The following AP4B1 variants were observed in gnomAD, a reference collection of about 807,000 sequenced individuals.
The protein encoded by AP4B1 is AP-4 complex subunit beta-1.
Under a neutral mutation model 76.5 loss-of-function variants are expected in AP4B1, and 49 were observed. That is an observed-to-expected ratio of 0.64 (90% confidence interval 0.51 to 0.81). The LOEUF (loss-of-function observed/expected upper bound fraction) is 0.81, where lower values mean the gene tolerates loss of function less well. Ranked by LOEUF, AP4B1 falls within the 40% of genes least tolerant of loss-of-function variation. AP4B1 has a pLI of 0.00. For synonymous variants in AP4B1, 330 were observed against 333.3 expected, an observed-to-expected ratio of 0.99 and a Z score of 0.11; for missense variants, 911 against 904.9, an observed-to-expected ratio of 1.01 and a Z score of -0.09.
At position 113,904,747 on chromosome 1, in the gene AP4B1, A is replaced by G. The variant is rs765183919; in HGVS notation, c.-30T>C. On this transcript the variant is annotated 5_prime_UTR_variant, in exon 1 of 10. Transcript: ENST00000369569. ...CTAAGAGTCACAGGGCAGCTCCCACAGCTCCCACGGTAACTCGAGGGCTCC... is the reference window on the plus strand; with the variant it reads ...CTAAGAGTCACAGGGCAGCTCCCACGGCTCCCACGGTAACTCGAGGGCTCC... 27 of 1,588,402 alleles carry G rather than the reference A, an allele frequency of 1.7e-5. No homozygotes were observed. Among genetic ancestry groups the G allele is most frequent in the Non-Finnish European group, 2.2e-5 (26 of 1,158,504 alleles).
At chr1:113,898,213 G>A (rs1368387079) in intron 6 of AP4B1, among the ~76,000 whole-genome samples, 1 of 152,232 alleles carries the variant, frequency 6.6e-6, no homozygotes, top group East Asian at 1.9e-4. Context: ...CAAATGTGGG[G>A]TAGTATTGCT....
intron 7 of AP4B1, chr1:113,896,871 C>T (rs1479843239): frequency 3.9e-5 from 9 of 233,540 alleles, no homozygotes; most frequent in South Asian, 2.2e-4. Context: ...CAGCCGGGCA[C>T]GGTGGCTTAC....
chr1:113,898,253 T>C (rs1372061512), intron 6 of AP4B1, among the ~76,000 whole-genome samples: 1 of 152,144 alleles, frequency 6.6e-6, no homozygotes, highest in Non-Finnish European at 1.5e-5. Context: ...ACAGTATAAA[T>C]AGAACCACCA....
chr1:113,896,124 G>C, intron 8 of AP4B1, 86 bp from the exon 9 acceptor site: 1 of 1,601,852 alleles, frequency 6.2e-7, no homozygotes, highest in Non-Finnish European at 8.5e-7. Flanking sequence ...AGAAAAAAAT[G>C]AAGGAGAGAG....
At position 113,896,379 on chromosome 1, in the gene AP4B1, A is replaced by C. The variant is rs1490511428; in HGVS notation, c.1389T>G (p.Asn463Lys). Residue 463 changes from asparagine (N) to lysine (K), a missense_variant, in exon 8 of 10, where the codon AAT becomes AAG. Physicochemically the swap from Asn to Lys is moderately conservative, Grantham distance 94. Coordinates refer to ENST00000369569, the MANE Select transcript of AP4B1 (RefSeq NM_001253852.3). ...APYVLEDFVE[N>K]VKSETFPAVK... ...CAGCTGGAAATGTTTCCGACTTCACATTCTCAACAAAGTCCTCTAACACAT... is the reference window on the plus strand; with the variant it reads ...CAGCTGGAAATGTTTCCGACTTCACCTTCTCAACAAAGTCCTCTAACACAT... 6.2e-7 allele frequency: 1 copy of C among 1,614,252 alleles called. No homozygotes were observed. Among genetic ancestry groups the C allele is most frequent in the African/African-American group, 1.3e-5 (1 of 75,070 alleles).
chr1:113,902,932 T>C (rs1278161279), intron 1 of AP4B1, 70 bp from the exon 2 acceptor site: 165 of 1,396,940 alleles, frequency 1.2e-4, no homozygotes, highest in Non-Finnish European at 1.5e-4. Context: ...GAGTTTTACT[T>C]ACATATCTCC....
intron 7 of AP4B1, chr1:113,897,552 C>T: frequency 4.7e-6 from 2 of 427,690 alleles, no homozygotes; most frequent in South Asian, 4.3e-5. Context: ...CGAGATCACG[C>T]CACTGCACTC....
intron 2 of AP4B1, 62 bp downstream of exon 2, chr1:113,902,576 C>T: frequency 1.3e-6 from 2 of 1,527,334 alleles, no homozygotes; most frequent in Non-Finnish European, 9.1e-7. Context: ...CTTTAAAAAC[C>T]TACCCTGTGA....
rs775805303 is a variant in AP4B1, at chr1:113,897,936, C to T, written c.1206G>A (p.Val402=). The T allele has an allele frequency of 6.2e-7, 1 of 1,614,140 alleles. No homozygotes were observed. Among genetic ancestry groups the T allele is most frequent in the Admixed American group, 1.7e-5 (1 of 60,014 alleles). Residue 402 remains valine, a synonymous_variant, in exon 7 of 10, where the codon GTG becomes GTA. Coordinates refer to ENST00000369569, the MANE Select transcript of AP4B1 (RefSeq NM_001253852.3). ...LRQEHITTVV[V]QTFRDLVWLC... ...ACCAAACCAGGTCTCGGAAAGTCTG[C>T]ACCACCACTACAATACAGGCCAGGG... is the stretch of plus-strand genomic sequence containing the variant.
At chr1:113,902,525 A>G (rs1377939018) in intron 2 of AP4B1, 113 bp downstream of exon 2, 13 of 1,075,648 alleles carry the variant, frequency 1.2e-5, no homozygotes, top group Non-Finnish European at 1.8e-5. Context: ...AGGGTACAAT[A>G]ATGTTTTCCC....
rs373681764 is a variant in AP4B1 at position 113,900,180 on chromosome 1, G to T, written c.838C>A (p.Pro280Thr). ...TCTGAAGAACAGGCAGCTAGCAAAG[G>T]TCCCTTGACCCGCACAAGGACATCA... ...QTDVLVRVKG[P>T]LLAACSSESR... Residue 280 changes from proline (P) to threonine (T), a missense_variant, in exon 5 of 10, where the codon CCT becomes ACT. Coordinates refer to ENST00000369569, the MANE Select transcript of AP4B1 (RefSeq NM_001253852.3). 2 of 1,614,168 alleles carry T rather than the reference G, an allele frequency of 1.2e-6. No individual in the cohort carries two copies. The highest frequency in any genetic ancestry group is 1.1e-5 in the South Asian group (1 of 91,086).
At position 113,895,957 on chromosome 1, in the gene AP4B1, C is replaced by T. The variant is rs776838159; in HGVS notation, c.1592G>A (p.Arg531Gln). 5.0e-6 allele frequency: 8 copies of T among 1,614,152 alleles called. No individual in the cohort carries two copies. The highest frequency in any genetic ancestry group is 5.9e-6 in the Non-Finnish European group (7 of 1,180,042). Residue 531 changes from arginine (R) to glutamine (Q), a missense_variant, in exon 9 of 10, where the codon CGG becomes CAG. Arg to Gln is a conservative substitution (Grantham distance 43). Coordinates refer to ENST00000369569, the MANE Select transcript of AP4B1 (RefSeq NM_001253852.3). ...GTCAGATTTAGGGCTACACAGAATCCGCTTAACTTCATCAATGCCAACTAA... is the reference window on the plus strand; with the variant it reads ...GTCAGATTTAGGGCTACACAGAATCTGCTTAACTTCATCAATGCCAACTAA... ...LLLVGIDEVK[R>Q]ILCSPKSDPT...
In AP4B1 at chr1:113,901,358, G is replaced by C. The variant is rs888993780; in HGVS notation, c.495C>G (p.Tyr165Ter). The C allele has an allele frequency of 6.2e-7, 1 of 1,614,038 alleles. No homozygotes were observed. Among genetic ancestry groups the C allele is most frequent in the East Asian group, 2.2e-5 (1 of 44,866 alleles). The change falls in exon 4 of 10, where the codon TAC becomes TAG. Residue 165 changes from tyrosine to a stop codon, truncating the protein, a stop_gained. Coordinates refer to ENST00000369569, the MANE Select transcript of AP4B1 (RefSeq NM_001253852.3). LOFTEE classifies it high-confidence loss of function. Reference sequence around the variant, plus strand: ...TTGGATCCTGGTCACGCAGCAAACTGTATAATTCATTTACCAGGGCACCAT... The same window carrying C: ...TTGGATCCTGGTCACGCAGCAAACTCTATAATTCATTTACCAGGGCACCAT... ...EVDGALVNEL[Y>*]SLLRDQDPIV...
chr1:113,901,644 A>G (rs1668279642), intron 3 of AP4B1, 111 bp downstream of exon 3: 2 of 1,471,126 alleles, frequency 1.4e-6, no homozygotes, highest in Admixed American at 1.7e-5. Flanking sequence ...ACTTAAAGAG[A>G]TATGTACAGA....
chr1:113,901,036 G>A lies in AP4B1; in HGVS notation c.617+200C>T, dbSNP rs1396143751. 3 of 660,278 alleles carry A rather than the reference G, an allele frequency of 4.5e-6. No homozygotes were observed. In the African/African-American group the frequency reaches 5.5e-5, roughly 12 times the overall value. The allele number at this position is 660,278 out of a possible 1,614,324, so 40.9% of individuals were successfully genotyped here. A position where few individuals can be genotyped will look rare whatever the true frequency, so the allele number is the denominator to read the frequency against. ...GCAGGAGAATTGCTTGAACCCAGGA[G>A]GCGGAGGTTGCGGTAAGCCGAGATA... On this transcript the variant is annotated intron_variant, in intron 4 of 9. Coordinates refer to ENST00000369569, the MANE Select transcript of AP4B1 (RefSeq NM_001253852.3).
At position 113,900,001 on chromosome 1, in the gene AP4B1, C is replaced by A. The variant is rs1269644681; in HGVS notation, c.1017G>T (p.Leu339=). Residue 339 remains leucine, a synonymous_variant, in exon 5 of 10, where the codon CTG becomes CTT. Transcript: ENST00000369569. ...KLQKVEVLCE[L]VNDENVQQVL... is the part of the protein sequence containing the mutation. ...CCTGCTGCACATTCTCATCGTTCAC[C>A]AGTTCACACAGCACCTCCACTTTCT... 6.2e-7 allele frequency: 1 copy of A among 1,614,208 alleles called. No individual in the cohort carries two copies. The highest frequency in any genetic ancestry group is 1.3e-5 in the African/African-American group (1 of 75,040).
intron 2 of AP4B1, among the ~76,000 whole-genome samples, 199 bp downstream of exon 2, chr1:113,902,439 A>G (rs949822330): frequency 5.3e-5 from 8 of 152,338 alleles, no homozygotes; most frequent in Admixed American, 1.3e-4. Flanking sequence ...ACTTAGAGTG[A>G]GAATCAAAAA....
chr1:113,895,841 C>T lies in AP4B1; in HGVS notation c.1708G>A (p.Ala570Thr), dbSNP rs1481692973. ...FNTLVPVYGKAHWATISKCQG... is the reference protein window; with the variant it reads ...FNTLVPVYGKTHWATISKCQG... ...CATTTAGAGATAGTTGCCCAGTGGG[C>T]TTTGCCATACACTGGCACCAGTGTG... is the stretch of plus-strand genomic sequence containing the variant. Residue 570 changes from alanine (A) to threonine (T), a missense_variant, in exon 9 of 10, where the codon GCC becomes ACC. By Grantham distance (58) the Ala-to-Thr change is moderately conservative. Transcript: ENST00000369569. The T allele has an allele frequency of 6.2e-7, 1 of 1,614,228 alleles. No homozygotes were observed. Among genetic ancestry groups the T allele is most frequent in the South Asian group, 1.1e-5 (1 of 91,084 alleles).
chr1:113,903,651 G>T (rs1284885638), intron 1 of AP4B1, among the ~76,000 whole-genome samples: 1 of 152,230 alleles, frequency 6.6e-6, no homozygotes, highest in East Asian at 1.9e-4. Flanking sequence ...ATGAGCAGGA[G>T]CTCACTAGGC....
Sources: gnomAD v4.1 joint callset for allele counts (sites outside exome capture counted in the v4.1 genomes callset) on GRCh38, gnomAD v4.1.1 for gene constraint, MANE v1.5 for transcripts, NCBI Gene and HGNC (gene_info 2026-07-23, HGNC 2026-07-21) for gene names.